EPHA1: variants seen among roughly 807,000 people sequenced by gnomAD.
EPHA1 encodes the protein ephrin type-A receptor 1.
Under a neutral mutation model 110.1 loss-of-function variants are expected in EPHA1, and 92 were observed. That is an observed-to-expected ratio of 0.84 (90% CI 0.71 to 0.99). EPHA1 has a LOEUF of 0.99. Ranked by LOEUF, EPHA1 falls within the 50% of genes least tolerant of loss-of-function variation. The pLI is 0.00. For synonymous variants in EPHA1, 500 were observed against 516.1 expected, an observed-to-expected ratio of 0.97 and a Z score of 0.42; for missense variants, 1,204 against 1,285.4, an observed-to-expected ratio of 0.94 and a Z score of 0.97.
Position 143,399,934 on chromosome 7 carries a change from A to G in EPHA1, c.552T>C (p.Ala184=). The G allele has an allele frequency of 6.2e-7, 1 of 1,613,842 alleles. No individual in the cohort carries two copies. Among genetic ancestry groups the G allele is most frequent in the Non-Finnish European group, 8.5e-7 (1 of 1,179,830 alleles). ...CCACACAGGCACCCGGGTTGTGGAA[A>G]GCGAGGTAGAGGCCACGGCGGGTCA... is the stretch of plus-strand genomic sequence containing the variant. ...GRLTRRGLYL[A]FHNPGACVAL... Residue 184 remains alanine (A), a synonymous_variant, in exon 4 of 18, where the codon GCT becomes GCC. Transcript: ENST00000275815.
chr7:143,399,892 C>A lies in EPHA1; in HGVS notation c.594G>T (p.Arg198=). ...TCTCAGGACAGCGCTGGTAGAAGACCCGGACAGACACCAGGGCCACACAGG... is the reference window on the plus strand; with the variant it reads ...TCTCAGGACAGCGCTGGTAGAAGACACGGACAGACACCAGGGCCACACAGG... The part of the protein sequence containing the change: ...PGACVALVSV[R]VFYQRCPETL... The change falls in exon 4 of 18, where the codon CGG becomes CGT. Residue 198 remains arginine, a synonymous_variant. Coordinates refer to ENST00000275815, the MANE Select transcript of EPHA1 (RefSeq NM_005232.5). 1 of 1,609,972 alleles carries A rather than the reference C, an allele frequency of 6.2e-7. No individual in the cohort carries two copies. Among genetic ancestry groups the A allele is most frequent in the Non-Finnish European group, 8.5e-7 (1 of 1,178,054 alleles).
Position 143,407,601 on chromosome 7 carries a change from C to G in EPHA1, c.150+10G>C. 1 of 1,612,886 alleles carries G rather than the reference C, an allele frequency of 6.2e-7. No individual in the cohort carries two copies. Among genetic ancestry groups the G allele is most frequent in the Non-Finnish European group, 8.5e-7 (1 of 1,179,394 alleles). The stretch of plus-strand genomic sequence containing the variant: ...AGTTTTCCAAGATCCTTCCCTCTTC[C>G]GACACTTACCCCATCTTTTGGGGGA... On this transcript the variant is annotated intron_variant, in intron 2 of 17. Coordinates refer to ENST00000275815, the MANE Select transcript of EPHA1 (RefSeq NM_005232.5).
chr7:143,397,538 G>GC (rs760467922), intron 9 of EPHA1, 23 bp downstream of exon 9: 8 of 1,601,210 alleles, frequency 5.0e-6, no homozygotes, highest in South Asian at 2.2e-5. Flanking sequence ...GCTGGTGGTT[G>GC]GGGAGGGGGC....
chr7:143,398,104 T>A lies in EPHA1; in HGVS notation c.1465-34A>T, dbSNP rs199892846. The A allele has an allele frequency of 3.2e-4, 521 of 1,610,806 alleles. 4 individuals are homozygous for A. The South Asian group carries it at 5.5e-3, about 17-fold the overall frequency. On this transcript the variant is annotated intron_variant, in intron 7 of 17. Transcript: ENST00000275815. ...TGGAGTTGCATTAAGTGGGCAGTGC[T>A]GAGCCAGACCCGGGTGGATGTGATG... is the stretch of plus-strand genomic sequence containing the variant.
At chr7:143,407,852 A>G in intron 1 of EPHA1, 174 bp from the exon 2 acceptor site, 1 of 501,664 alleles carries the variant, frequency 2.0e-6, no homozygotes, top group Non-Finnish European at 3.5e-6. Flanking sequence ...GAAGAGCTCC[A>G]GGGATTTCAC....
chr7:143,391,699 T>C lies in EPHA1; in HGVS notation c.2773A>G (p.Ile925Val), dbSNP rs1427742183. Residue 925 changes from isoleucine (I) to valine (V), a missense_variant, in exon 17 of 18, where the codon ATA becomes GTA. By Grantham distance (29) the Ile-to-Val change is conservative. Coordinates refer to ENST00000275815, the MANE Select transcript of EPHA1 (RefSeq NM_005232.5). ...TGCAGGATGTAGCGTTTCATGCGTA[T>C]GGACTCGAGCCACTCAGAGACGGTT... ...YRTVSEWLES[I>V]RMKRYILHFH... 1.2e-6 allele frequency: 2 copies of C among 1,613,966 alleles called. No homozygotes were observed. Among genetic ancestry groups the C allele is most frequent in the Non-Finnish European group, 1.7e-6 (2 of 1,180,028 alleles).
Position 143,399,654 on chromosome 7 carries a change from C to A in EPHA1, c.832G>T (p.Val278Phe), listed in dbSNP as rs998751117. The A allele has an allele frequency of 1.9e-6, 3 of 1,613,176 alleles. No individual in the cohort carries two copies. The highest frequency in any genetic ancestry group is 2.5e-6 in the Non-Finnish European group (3 of 1,180,006). The change falls in exon 4 of 18, where the codon GTT (valine) becomes TTT (phenylalanine). Residue 278 changes from valine (V) to phenylalanine (F), a missense_variant. By Grantham distance (50) the Val-to-Phe change is conservative. Transcript: ENST00000275815. ...YEEGGSGEAC[V>F]ACPSGSYRMD... ...TTCTCACCGCCTCCGTTCTTACCAA[C>A]ACATGCTTCGCCACTGCCACCTTCC...
intron 2 of EPHA1, among the ~76,000 whole-genome samples, chr7:143,404,595 C>T (rs990713944): frequency 3.3e-5 from 5 of 152,158 alleles, no homozygotes; most frequent in Non-Finnish European, 7.3e-5. Context: ...GTATTACTTT[C>T]CATATTGATT....
Position 143,398,635 on chromosome 7 carries a change from G to A in EPHA1, c.1302C>T (p.Ala434=). The change falls in exon 6 of 18, where the codon GCC becomes GCT. Residue 434 remains alanine (A), a synonymous_variant. Transcript: ENST00000275815. Reference sequence around the variant, plus strand: ...CCATGCTGATGCTGACTGAGGTGCTGGCATGGCCAGAGCTGCCCAGCCCTG... The same window carrying A: ...CCATGCTGATGCTGACTGAGGTGCTAGCATGGCCAGAGCTGCCCAGCCCTG... The part of the protein sequence containing the change: ...GVSGLGSSGH[A]STSVSISMGH... The A allele has an allele frequency of 2.5e-6, 4 of 1,614,088 alleles. No homozygotes were observed. Among genetic ancestry groups the A allele is most frequent in the Non-Finnish European group, 3.4e-6 (4 of 1,179,970 alleles).
chr7:143,397,532 G>A, intron 9 of EPHA1, 29 bp downstream of exon 9: 1 of 1,612,428 alleles, frequency 6.2e-7, no homozygotes, highest in Non-Finnish European at 8.5e-7. Context: ...CCCAGGGCTG[G>A]TGGTTGGGGA....
chr7:143,404,139 T>C (rs945375005), intron 2 of EPHA1, among the ~76,000 whole-genome samples: 2 of 152,196 alleles, frequency 1.3e-5, no homozygotes, highest in Non-Finnish European at 2.9e-5. Context: ...TATTTTCTCC[T>C]AAAATTTGTG....
At position 143,397,360 on chromosome 7, in the gene EPHA1, C is replaced by G; in HGVS notation, c.1715G>C (p.Arg572Thr). 1 of 1,549,916 alleles carries G rather than the reference C, an allele frequency of 6.5e-7. No individual in the cohort carries two copies. The highest frequency in any genetic ancestry group is 2.0e-5 in the Admixed American group (1 of 51,014). ...CCTCTGCTGCCTCTGCCGCTGGGCT[C>G]TCCTGTGGGGGTTGGGGACCAGCTC... ...LLGILVFRSR[R>T]AQRQRQQRQR... The change falls in exon 10 of 18, where the codon AGA (arginine) becomes ACA (threonine). Residue 572 changes from arginine to threonine, a missense_variant and splice_region_variant. Physicochemically the swap from Arg to Thr is moderately conservative, Grantham distance 71. Coordinates refer to ENST00000275815, the MANE Select transcript of EPHA1 (RefSeq NM_005232.5).
At position 143,401,386 on chromosome 7, in the gene EPHA1, G is replaced by A. The variant is rs1375957847; in HGVS notation, c.370C>T (p.Leu124Phe). 6.2e-7 allele frequency: 1 copy of A among 1,614,136 alleles called. No individual in the cohort carries two copies. The highest frequency in any genetic ancestry group is 1.3e-5 in the African/African-American group (1 of 75,034). Residue 124 changes from leucine (L) to phenylalanine (F), a missense_variant, in exon 3 of 18, where the codon CTT (leucine) becomes TTT (phenylalanine). Coordinates refer to ENST00000275815, the MANE Select transcript of EPHA1 (RefSeq NM_005232.5). The surrounding 1 kb of genome is among the most constrained non-coding windows in gnomAD (Gnocchi z 4.1). Reference protein sequence around the residue: ...GPLGCKETFNLLYMESDQDVG... With the variant: ...GPLGCKETFNFLYMESDQDVG... Reference sequence around the variant, plus strand: ...TCCTGGTCACTCTCCATGTACAGAAGGTTGAAGGTCTCCTTGCAGCCCAGA... The same window carrying A: ...TCCTGGTCACTCTCCATGTACAGAAAGTTGAAGGTCTCCTTGCAGCCCAGA...
intron 10 of EPHA1, 60 bp downstream of exon 10, chr7:143,397,244 C>A (rs1169920445): frequency 2.0e-6 from 3 of 1,508,028 alleles, no homozygotes; most frequent in Middle Eastern, 1.7e-4. Context: ...AACACACACA[C>A]ACACGCACAC....
chr7:143,396,748 C>A, intron 10 of EPHA1: 1 of 461,812 alleles, frequency 2.2e-6, no homozygotes, highest in Non-Finnish European at 3.9e-6. Flanking sequence ...TGGCCAGGAT[C>A]CACACCCGCA....
chr7:143,397,971 G>C lies in EPHA1; in HGVS notation c.1564C>G (p.Leu522Val). The C allele has an allele frequency of 6.2e-7, 1 of 1,614,156 alleles. No homozygotes were observed. Among genetic ancestry groups the C allele is most frequent in the Non-Finnish European group, 8.5e-7 (1 of 1,180,008 alleles). ...TCAGGGGAGAAAGGGCCAGGACCCA[G>C]TGGGGTCAGCATTCGGACTCTGACG... The part of the protein sequence containing the change: ...YIVRVRMLTP[L>V]GPGPFSPDHE... The change falls in exon 8 of 18, where the codon CTG (leucine) becomes GTG (valine). Residue 522 changes from leucine to valine, a missense_variant. By Grantham distance (32) the Leu-to-Val change is conservative. Transcript: ENST00000275815.
chr7:143,401,265 C>A lies in EPHA1; in HGVS notation c.432+59G>T. 1 of 1,573,440 alleles carries A rather than the reference C, an allele frequency of 6.4e-7. No individual in the cohort carries two copies. Among genetic ancestry groups the A allele is most frequent in the South Asian group, 1.2e-5 (1 of 85,934 alleles). On this transcript the variant is annotated intron_variant, in intron 3 of 17. Coordinates refer to ENST00000275815, the MANE Select transcript of EPHA1 (RefSeq NM_005232.5). This position sits in a 1 kb window ranked among gnomAD's most constrained non-coding sequence, Gnocchi z 4.1. ...TGTCTCTGCAACCTTCTCTGGCACC[C>A]AATAAGGAGCCACCAGGGATCTGCA...
At chr7:143,398,108 C>A in intron 7 of EPHA1, 38 bp from the exon 8 acceptor site, 1 of 1,609,380 alleles carries the variant, frequency 6.2e-7, no homozygotes, top group South Asian at 1.1e-5. Flanking sequence ...CAGTGCTGAG[C>A]CAGACCCGGG....
At chr7:143,397,111 GT>G (rs1805272612) in intron 10 of EPHA1, among the ~76,000 whole-genome samples, 192 bp downstream of exon 10, 1 of 152,192 alleles carries the variant, frequency 6.6e-6, no homozygotes, top group Admixed American at 6.5e-5. Context: ...CCAGTACATA[GT>G]TAATTAACCA....
Sources: allele counts gnomAD v4.1 joint callset (sites outside exome capture counted in the v4.1 genomes callset), GRCh38; gene constraint gnomAD v4.1.1; non-coding constraint Gnocchi (gnomAD v3.1); transcripts MANE v1.5; gene names NCBI Gene and HGNC (gene_info 2026-07-23, HGNC 2026-07-21).